The following GAN variants were observed in gnomAD, a reference collection of about 807,000 sequenced individuals.
GAN encodes epididymis secretory sperm binding protein.
In GAN, 48 loss-of-function variants were observed where a neutral mutation model predicts 71.3. That is an observed-to-expected ratio of 0.67 (90% CI 0.53 to 0.86). The LOEUF is 0.86. Among genes scored for constraint, GAN ranks in the 40% least tolerant of loss-of-function variants. The probability of loss-of-function intolerance (pLI) is 0.00; values close to 1 mark genes in which losing one functional copy is unlikely to be tolerated. For missense variants in GAN, 928 were observed against 770.1 expected (o/e 1.21, Z -2.43); for synonymous variants, 386 against 276.8 (o/e 1.39, Z -3.92).
At chr16:81,333,886 C>T (rs1048487689) in intron 1 of GAN, among the ~76,000 whole-genome samples, 1 of 152,202 alleles carries the variant, frequency 6.6e-6, no homozygotes, top group Non-Finnish European at 1.5e-5. Context: ...TATAGTTGTG[C>T]ACGTCCACAA....
chr16:81,374,464 A>C (rs1904275467), intron 9 of GAN, among the ~76,000 whole-genome samples: 2 of 152,210 alleles, frequency 1.3e-5, no homozygotes, highest in Admixed American at 1.3e-4. Context: ...TTGCCTGATG[A>C]TGATTTTGTT....
At chr16:81,316,554 G>C (rs928925791) in intron 1 of GAN, among the ~76,000 whole-genome samples, 1 of 152,220 alleles carries the variant, frequency 6.6e-6, no homozygotes, top group African/African-American at 2.4e-5. Context: ...GATTGCTAAT[G>C]TGACAGACAG....
intron 1 of GAN, among the ~76,000 whole-genome samples, chr16:81,331,838 C>T (rs1016333429): frequency 1.3e-5 from 2 of 152,188 alleles, no homozygotes; most frequent in Admixed American, 1.3e-4. Flanking sequence ...GTCAGAAGAA[C>T]AAAGAGAAGG....
At position 81,336,648 on chromosome 16, in the gene GAN, T is replaced by A. The variant is rs72833395; in HGVS notation, c.168-14935T>A. Among the ~76,000 whole-genome samples the A allele has an allele frequency of 5.9e-3, 875 of 147,436 alleles. 10 individuals are homozygous for A. The highest frequency in any genetic ancestry group is 0.016 in the African/African-American group (652 of 39,924). On this transcript the variant is annotated intron_variant, in intron 1 of 10. Transcript: ENST00000648994. Reference sequence around the variant, plus strand: ...AGTTGGCTAATTTTTTTTTTTTTTTTAATTTTCTTTGTAGAGAGGAGGTCT... The same window carrying A: ...AGTTGGCTAATTTTTTTTTTTTTTTAAATTTTCTTTGTAGAGAGGAGGTCT...
In GAN at chr16:81,364,056, A is replaced by G. The variant is rs575975809; in HGVS notation, c.1236+113A>G. On this transcript the variant is annotated intron_variant, in intron 7 of 10. Transcript: ENST00000648994. Reference sequence around the variant, plus strand: ...ATAACTGATGGTGTTAAAAGAATTAACTTTATAGAACTCTCTTTATCGGTA... The same window carrying G: ...ATAACTGATGGTGTTAAAAGAATTAGCTTTATAGAACTCTCTTTATCGGTA... 154 of 866,654 alleles carry G rather than the reference A, an allele frequency of 1.8e-4. 1 individual carries two copies. The Middle Eastern group carries it at 3.0e-3, about 17-fold the overall frequency. 53.7% of individuals were successfully genotyped at this position (866,654 alleles called of 1,614,324 possible).
At chr16:81,324,897 AGTT>A (rs1309403720) in intron 1 of GAN, among the ~76,000 whole-genome samples, 1 of 152,194 alleles carries the variant, frequency 6.6e-6, no homozygotes, top group African/African-American at 2.4e-5. Context: ...CAGGTGCTGC[AGTT>A]GTTCAGATGG....
intron 9 of GAN, among the ~76,000 whole-genome samples, chr16:81,366,632 A>T (rs986531038): frequency 2.0e-5 from 3 of 152,296 alleles, no homozygotes. Flanking sequence ...GCTGCCTAAC[A>T]TGTATTTTAA....
At position 81,385,425 on chromosome 16, in the gene GAN, G is replaced by A. The variant is rs534492921; in HGVS notation, c.*7829G>A. ...GTGGCAGGTGCATCTGGGCTTGGGG[G>A]CTTCTGCCACACTTACTACTCTGTG... On this transcript the variant is annotated 3_prime_UTR_variant, in exon 11 of 11. Transcript: ENST00000648994. 33 of 152,326 alleles carry A rather than the reference G, an allele frequency of 2.2e-4. No homozygotes were observed. The highest frequency in any genetic ancestry group is 7.9e-4 in the African/African-American group (33 of 41,570). 9.4% of individuals were successfully genotyped at this position (152,326 alleles called of 1,614,324 possible).
At position 81,326,036 on chromosome 16, in the gene GAN, C is replaced by T. The variant is rs567078008; in HGVS notation, c.167+10756C>T. ...CTTCCTCTGTAAGATTTTTCCAACT[C>T]TGCCAAATAATCACTCCCTCCAGCA... On this transcript the variant is annotated intron_variant, in intron 1 of 10. Coordinates refer to ENST00000648994, the MANE Select transcript of GAN (RefSeq NM_022041.4). Among the ~76,000 whole-genome samples the T allele has an allele frequency of 2.0e-5, 3 of 152,330 alleles. No homozygotes were observed. The East Asian group carries it at 5.8e-4, about 29-fold the overall frequency.
At chr16:81,362,429 A>G (rs1255017233) in intron 5 of GAN, 70 bp from the exon 6 acceptor site, 10 of 806,158 alleles carry the variant, frequency 1.2e-5, no homozygotes, top group African/African-American at 3.4e-5. Flanking sequence ...TGCTGTTTCT[A>G]TATATGCTGT....
intron 1 of GAN, among the ~76,000 whole-genome samples, chr16:81,331,046 A>C (rs1311971880): frequency 6.6e-6 from 1 of 152,132 alleles, no homozygotes; most frequent in Non-Finnish European, 1.5e-5. Context: ...CTTTACAAAA[A>C]CTTTAAAAAT....
intron 7 of GAN, 139 bp downstream of exon 7, chr16:81,364,082 G>A (rs1031795484): frequency 7.8e-6 from 6 of 772,562 alleles, no homozygotes; most frequent in Non-Finnish European, 1.3e-5. Flanking sequence ...TTTATCGGTA[G>A]TTTGCCTTCA....
At chr16:81,316,662 T>C (rs1909052898) in intron 1 of GAN, among the ~76,000 whole-genome samples, 1 of 152,224 alleles carries the variant, frequency 6.6e-6, no homozygotes, top group Non-Finnish European at 1.5e-5. Flanking sequence ...AGAAAACTAC[T>C]TTAGATGCAT....
At chr16:81,345,983 C>T (rs1201473861) in intron 1 of GAN, among the ~76,000 whole-genome samples, 1 of 152,158 alleles carries the variant, frequency 6.6e-6, no homozygotes, top group Non-Finnish European at 1.5e-5. Context: ...GAATCTAATG[C>T]CACATGCGCA....
chr16:81,345,627 G>A (rs1048173100), intron 1 of GAN, among the ~76,000 whole-genome samples: 3 of 152,170 alleles, frequency 2.0e-5, no homozygotes, highest in African/African-American at 7.2e-5. Context: ...GATAACATTA[G>A]GAGAAATATC....
In GAN at chr16:81,378,982, C is replaced by G. The variant is rs1904292160; in HGVS notation, c.*1386C>G. The G allele has an allele frequency of 1.3e-5, 2 of 152,022 alleles. No individual in the cohort carries two copies. 9.4% of individuals were successfully genotyped at this position (152,022 alleles called of 1,614,324 possible). Reference sequence around the variant, plus strand: ...TCCTAAATTGAATTTTATGCAATGTCAAATTTCTAATCAATTTAATATACA... The same window carrying G: ...TCCTAAATTGAATTTTATGCAATGTGAAATTTCTAATCAATTTAATATACA... On this transcript the variant is annotated 3_prime_UTR_variant, in exon 11 of 11. Coordinates refer to ENST00000648994, the MANE Select transcript of GAN (RefSeq NM_022041.4).
chr16:81,323,904 A>C (rs1441414270), intron 1 of GAN, among the ~76,000 whole-genome samples: 1 of 152,188 alleles, frequency 6.6e-6, no homozygotes, highest in East Asian at 1.9e-4. Flanking sequence ...GTGGAGACCT[A>C]TGTCAGTCTA....
chr16:81,361,834 A>G (rs1910682489), intron 5 of GAN, among the ~76,000 whole-genome samples: 1 of 152,058 alleles, frequency 6.6e-6, no homozygotes, highest in Admixed American at 6.6e-5. Flanking sequence ...AGTTGAGACT[A>G]TAGACAAATA....
At chr16:81,336,909 T>C (rs1909782203) in intron 1 of GAN, among the ~76,000 whole-genome samples, 2 of 152,120 alleles carry the variant, frequency 1.3e-5, no homozygotes, top group Admixed American at 6.5e-5. Context: ...TGGTATACAT[T>C]TGTTACAATT....
Sources: gnomAD v4.1 joint callset for allele counts (sites outside exome capture counted in the v4.1 genomes callset) on GRCh38, gnomAD v4.1.1 for gene constraint, MANE v1.5 for transcripts, NCBI Gene and HGNC (gene_info 2026-07-23, HGNC 2026-07-21) for gene names.